Variants in RBFOX1 observed in about 807,000 individuals in gnomAD.
The protein encoded by RBFOX1 is RNA binding protein fox-1 homolog 1.
Under a neutral mutation model 57.7 loss-of-function variants are expected in RBFOX1, and 8 were observed. That is an observed-to-expected ratio of 0.14 (90% CI 0.08 to 0.25). The LOEUF is 0.25. Among genes scored for constraint, RBFOX1 ranks in the 10% least tolerant of loss-of-function variants. The pLI is 1.00. For missense variants in RBFOX1, 611 were observed against 548.5 expected (o/e 1.11, Z -1.14); for synonymous variants, 326 against 222.4 (o/e 1.47, Z -4.15).
Position 7,683,462 on chromosome 16 carries a change from G to A in RBFOX1, c.995+6624G>A, listed in dbSNP as rs539765924. Reference sequence around the variant, plus strand: ...TGCACTATTGGATGAATATGTAATTGAATCAGTTTAAAAAAAGAACCAATC... The same window carrying A: ...TGCACTATTGGATGAATATGTAATTAAATCAGTTTAAAAAAAGAACCAATC... On this transcript the variant is annotated intron_variant, in intron 14 of 15. Transcript: ENST00000550418. Among the ~76,000 whole-genome samples the A allele has an allele frequency of 3.3e-5, 5 of 152,052 alleles. 1 individual carries two copies. The South Asian group carries it at 1.0e-3, about 32-fold the overall frequency.
intron 3 of RBFOX1, among the ~76,000 whole-genome samples, chr16:6,831,802 C>CAAGA (rs1567458854): frequency 2.0e-5 from 3 of 152,128 alleles, no homozygotes; most frequent in Non-Finnish European, 4.4e-5. Context: ...GTGGGAAGAA[C>CAAGA]AAGACCCAGC....
At position 5,390,730 on chromosome 16, in the gene RBFOX1, A is replaced by G. The variant is rs77741821; in HGVS notation, c.220-76486A>G. Among the ~76,000 whole-genome samples, 675 of 152,206 alleles carry G rather than the reference A, an allele frequency of 4.4e-3. 2 individuals are homozygous for G. Among genetic ancestry groups the G allele is most frequent in the African/African-American group, 0.016 (650 of 41,524 alleles). On this transcript the variant is annotated intron_variant, in intron 1 of 2. Coordinates refer to the RBFOX1 transcript ENST00000585867. ...CCAGGATGACCCACACCTAACCCCA[A>G]TCAGTTCACATTATTCCCTGGGTCA...
intron 3 of RBFOX1, among the ~76,000 whole-genome samples, chr16:7,033,850 GC>G (rs1287982401): frequency 6.6e-6 from 1 of 151,984 alleles, no homozygotes. Flanking sequence ...CTGCCTGTGG[GC>G]CCAGCTACTC....
chr16:6,536,349 A>G (rs924561234), intron 2 of RBFOX1, among the ~76,000 whole-genome samples: 1 of 152,206 alleles, frequency 6.6e-6, no homozygotes, highest in African/African-American at 2.4e-5. Flanking sequence ...TTTTACCAGC[A>G]TGCAATTGAG....
chr16:5,332,607 AATAT>A (rs201408614), intron 1 of RBFOX1, among the ~76,000 whole-genome samples: 2,197 of 150,610 alleles, frequency 0.015, 59 homozygotes, highest in African/African-American at 0.052. Flanking sequence ...GATTCAAATA[AATAT>A]ATATATTACA....
intron 14 of RBFOX1, among the ~76,000 whole-genome samples, chr16:7,685,032 G>A (rs1031414894): frequency 1.3e-4 from 20 of 152,088 alleles, no homozygotes; most frequent in African/African-American, 4.1e-4. Context: ...GTAAAGTGTA[G>A]TTTCCAGACC....
At chr16:6,686,625 C>G (rs187353449) in intron 3 of RBFOX1, among the ~76,000 whole-genome samples, 5 of 152,250 alleles carry the variant, frequency 3.3e-5, no homozygotes, top group East Asian at 1.9e-4. Flanking sequence ...GAGCTTCCCC[C>G]GAAAGCACAG....
chr16:7,194,340 C>T (rs1451776493), intron 4 of RBFOX1, among the ~76,000 whole-genome samples: 2 of 152,138 alleles, frequency 1.3e-5, no homozygotes, highest in African/African-American at 2.4e-5. Context: ...TTACTGATAT[C>T]CAGTTGCCTT....
At chr16:6,545,616 C>A (rs1377883820) in intron 2 of RBFOX1, among the ~76,000 whole-genome samples, 1 of 152,222 alleles carries the variant, frequency 6.6e-6, no homozygotes, top group Non-Finnish European at 1.5e-5. Flanking sequence ...CCAAAGATCT[C>A]ACTGTACTAA....
chr16:6,997,118 C>T (rs1224259905), intron 3 of RBFOX1, among the ~76,000 whole-genome samples: 1 of 151,932 alleles, frequency 6.6e-6, no homozygotes, highest in Admixed American at 6.6e-5. Context: ...TGTTTTGCCC[C>T]CAAACTTACA....
At chr16:7,509,390 C>CTG (rs34760329) in intron 4 of RBFOX1, among the ~76,000 whole-genome samples, 4,102 of 145,066 alleles carry the variant, frequency 0.028, 68 homozygotes, top group South Asian at 0.054. Context: ...GAGCCAAGCC[C>CTG]TGTGTGTGTG....
rs992653669 is a variant in RBFOX1 at position 6,483,385 on chromosome 16, C to T, written c.-64+166328C>T. The stretch of plus-strand genomic sequence containing the variant: ...GAGCGAAGGCGCGCGGCGCGCACGA[C>T]AGATGACTGGAGTCATTTACATTGC... On this transcript the variant is annotated intron_variant, in intron 2 of 15. Transcript: ENST00000550418. 6.5e-6 allele frequency: 10 copies of T among 1,528,254 alleles called. No individual in the cohort carries two copies. In the East Asian group the frequency reaches 7.4e-5, roughly 11 times the overall value. The allele number at this position is 1,528,254 out of a possible 1,614,324, so 94.7% of individuals were successfully genotyped here. A position where few individuals can be genotyped will look rare whatever the true frequency, so the allele number is the denominator to read the frequency against.
intron 3 of RBFOX1, among the ~76,000 whole-genome samples, chr16:6,677,786 G>A (rs184420139): frequency 2.0e-5 from 3 of 152,112 alleles, no homozygotes; most frequent in African/African-American, 4.8e-5. Flanking sequence ...TATTAATATA[G>A]AGGAAGACTG....
At chr16:5,416,268 T>C (rs746433643) in intron 1 of RBFOX1, among the ~76,000 whole-genome samples, 1 of 152,248 alleles carries the variant, frequency 6.6e-6, no homozygotes, top group Non-Finnish European at 1.5e-5. Context: ...CACACATTTA[T>C]GCATGTTTGT....
intron 3 of RBFOX1, among the ~76,000 whole-genome samples, chr16:5,808,873 A>G (rs930294652): frequency 3.3e-5 from 5 of 152,176 alleles, no homozygotes; most frequent in Admixed American, 1.3e-4. Context: ...AAACAGGGAC[A>G]ATTTGACTCC....
chr16:6,537,618 C>T (rs2096753315), intron 2 of RBFOX1, among the ~76,000 whole-genome samples: 1 of 152,122 alleles, frequency 6.6e-6, no homozygotes. Flanking sequence ...GGACTGTTGC[C>T]CTGAAATGCA....
At chr16:7,478,979 A>C (rs2063313398) in intron 4 of RBFOX1, among the ~76,000 whole-genome samples, 1 of 152,124 alleles carries the variant, frequency 6.6e-6, no homozygotes, top group Admixed American at 6.5e-5. Flanking sequence ...GCCTCTCTGC[A>C]GATACAATCT....
chr16:5,428,662 G>A (rs965566190), intron 1 of RBFOX1, among the ~76,000 whole-genome samples: 8 of 152,154 alleles, frequency 5.3e-5, no homozygotes, highest in African/African-American at 1.7e-4. Flanking sequence ...GCTGAAACCT[G>A]GAGGGTGAGG....
chr16:6,485,675 T>G (rs1246407046), intron 2 of RBFOX1, among the ~76,000 whole-genome samples: 1 of 152,198 alleles, frequency 6.6e-6, no homozygotes, highest in Non-Finnish European at 1.5e-5. Context: ...GCAACTAGAC[T>G]CTTTGAAAAC....
Sources: allele counts gnomAD v4.1 joint callset (sites outside exome capture counted in the v4.1 genomes callset), GRCh38; gene constraint gnomAD v4.1.1; transcripts MANE v1.5; gene names NCBI Gene and HGNC (gene_info 2026-07-23, HGNC 2026-07-21).